The following PDGFD variants were observed in gnomAD, a reference collection of about 807,000 sequenced individuals.
PDGFD encodes the protein platelet-derived growth factor D.
In PDGFD, 30 loss-of-function variants were observed where a neutral mutation model predicts 44.7. The ratio of observed to expected loss-of-function variants is 0.67; its 90% CI spans 0.50 to 0.91. The LOEUF is 0.91. Ranked by LOEUF, PDGFD falls within the 40% of genes least tolerant of loss-of-function variation. PDGFD has a pLI of 0.00. For missense variants in PDGFD, 445 were observed against 457.8 expected, an observed-to-expected ratio of 0.97 and a Z score of 0.25; for synonymous variants, 173 against 168.4, an observed-to-expected ratio of 1.03 and a Z score of -0.21.
intron 3 of PDGFD, among the ~76,000 whole-genome samples, chr11:103,986,058 G>A (rs1033611484): frequency 5.9e-5 from 9 of 152,130 alleles, no homozygotes; most frequent in South Asian, 2.1e-4. Context: ...CTTTGAATCC[G>A]TAGCTCAATT....
intron 1 of PDGFD, among the ~76,000 whole-genome samples, chr11:104,035,070 G>A (rs1382725943): frequency 5.9e-5 from 9 of 152,154 alleles, no homozygotes; most frequent in Non-Finnish European, 1.0e-4. Context: ...GGGGGTGGGG[G>A]AGAGTAGGGA....
At position 104,111,837 on chromosome 11, in the gene PDGFD, G is replaced by A. The variant is rs117216256; in HGVS notation, c.124+51967C>T. 3.8e-3 allele frequency among the ~76,000 whole-genome samples: 581 copies of A among 152,146 alleles called. 3 individuals carry two copies. Among genetic ancestry groups the A allele is most frequent in the Non-Finnish European group, 6.2e-3 (422 of 67,994 alleles). On this transcript the variant is annotated intron_variant, in intron 1 of 6. Coordinates refer to ENST00000393158, the MANE Select transcript of PDGFD (RefSeq NM_025208.5). ...AAAATTAAGCACGGTTATAAGTCAC[G>A]GTAAAACAGGTCAGATATTTAAACA...
At chr11:104,086,094 G>A (rs751191459) in intron 1 of PDGFD, among the ~76,000 whole-genome samples, 2 of 152,114 alleles carry the variant, frequency 1.3e-5, no homozygotes, top group African/African-American at 2.4e-5. Flanking sequence ...AATATCTAAG[G>A]TGGCTAGTGA....
At chr11:104,089,543 T>C (rs1861180761) in intron 1 of PDGFD, among the ~76,000 whole-genome samples, 1 of 152,208 alleles carries the variant, frequency 6.6e-6, no homozygotes, top group Non-Finnish European at 1.5e-5. Context: ...TAGCATATAG[T>C]ACTTTAACTG....
At chr11:103,919,176 T>C (rs981939076) in intron 6 of PDGFD, among the ~76,000 whole-genome samples, 7 of 152,234 alleles carry the variant, frequency 4.6e-5, no homozygotes, top group Admixed American at 2.0e-4. Context: ...ACTGAGCCAA[T>C]TGGTGGGTTT....
intron 1 of PDGFD, among the ~76,000 whole-genome samples, chr11:104,018,426 T>G (rs2134380107): frequency 6.6e-6 from 1 of 152,334 alleles, no homozygotes; most frequent in African/African-American, 2.4e-5. Flanking sequence ...TTATGTCTTC[T>G]GTCTCCCTGG....
At chr11:104,020,259 C>A (rs934910795) in intron 1 of PDGFD, among the ~76,000 whole-genome samples, 1 of 152,036 alleles carries the variant, frequency 6.6e-6, no homozygotes, top group Non-Finnish European at 1.5e-5. Flanking sequence ...TTAGGCCCTG[C>A]AGCTATTTCA....
intron 1 of PDGFD, among the ~76,000 whole-genome samples, chr11:104,091,427 A>G (rs951673249): frequency 1.3e-5 from 2 of 152,166 alleles, no homozygotes; most frequent in African/African-American, 4.8e-5. Context: ...CATTAACCAG[A>G]TAGAGCTACT....
At chr11:104,126,723 G>C (rs1006244094) in intron 1 of PDGFD, among the ~76,000 whole-genome samples, 2 of 152,116 alleles carry the variant, frequency 1.3e-5, no homozygotes, top group African/African-American at 4.8e-5. Flanking sequence ...TCTGCTAGCA[G>C]AGGTTGAGAG....
At chr11:104,144,539 C>T (rs1012708609) in intron 1 of PDGFD, among the ~76,000 whole-genome samples, 14 of 115,228 alleles carry the variant, frequency 1.2e-4, no homozygotes, top group Non-Finnish European at 1.8e-4. Flanking sequence ...CCCAACAAAA[C>T]AAAACAAACA....
chr11:104,154,072 T>C (rs1230828122), intron 1 of PDGFD, among the ~76,000 whole-genome samples: 1 of 152,190 alleles, frequency 6.6e-6, no homozygotes, highest in Non-Finnish European at 1.5e-5. Flanking sequence ...TAAATACCCC[T>C]TTATTTTAAA....
chr11:104,047,861 T>C (rs375738445), intron 1 of PDGFD, among the ~76,000 whole-genome samples: 13 of 152,026 alleles, frequency 8.6e-5, no homozygotes, highest in East Asian at 1.9e-4. Flanking sequence ...CGAGCCACCA[T>C]GGAGAATGGG....
chr11:104,133,220 G>A (rs1483468756), intron 1 of PDGFD, among the ~76,000 whole-genome samples: 1 of 152,028 alleles, frequency 6.6e-6, no homozygotes. Flanking sequence ...CCAATAAAAT[G>A]GCATGCAACA....
rs774835575 is a variant in PDGFD at position 104,059,288 on chromosome 11, G to A, written c.125-59033C>T. Reference sequence around the variant, plus strand: ...TGACATTCCTAAGCAAATATAAATCGTAAACATTCCTAAATAAATACAATC... The same window carrying A: ...TGACATTCCTAAGCAAATATAAATCATAAACATTCCTAAATAAATACAATC... On this transcript the variant is annotated intron_variant, in intron 1 of 6. Coordinates refer to ENST00000393158, the MANE Select transcript of PDGFD (RefSeq NM_025208.5). Among the ~76,000 whole-genome samples the A allele has an allele frequency of 1.1e-4, 16 of 152,002 alleles. 1 individual carries two copies. The highest frequency in any genetic ancestry group is 6.4e-3 in the Middle Eastern group (2 of 314).
intron 1 of PDGFD, among the ~76,000 whole-genome samples, chr11:104,058,147 T>C (rs921063351): frequency 2.0e-5 from 3 of 152,124 alleles, no homozygotes; most frequent in African/African-American, 4.8e-5. Flanking sequence ...AGAAAACAAA[T>C]TGATAAACTG....
intron 1 of PDGFD, among the ~76,000 whole-genome samples, chr11:104,118,750 A>G (rs1591173020): frequency 2.6e-5 from 3 of 113,632 alleles, no homozygotes; most frequent in South Asian, 2.5e-4. Flanking sequence ...ATATTATTAT[A>G]TAGTATATAT....
chr11:103,925,548 A>G (rs556181883), intron 6 of PDGFD, among the ~76,000 whole-genome samples: 1 of 151,702 alleles, frequency 6.6e-6, no homozygotes, highest in East Asian at 1.9e-4. Context: ...GTGAAAACTG[A>G]GTCAAAACTT....
At chr11:104,133,235 C>G (rs1861949673) in intron 1 of PDGFD, among the ~76,000 whole-genome samples, 1 of 152,130 alleles carries the variant, frequency 6.6e-6, no homozygotes, top group Non-Finnish European at 1.5e-5. Flanking sequence ...GCAACAATGT[C>G]ATCTTTCCTA....
chr11:104,031,683 T>C (rs1196034712), intron 1 of PDGFD, among the ~76,000 whole-genome samples: 1 of 152,156 alleles, frequency 6.6e-6, no homozygotes, highest in Non-Finnish European at 1.5e-5. Context: ...ATTATAAAGA[T>C]ATATGCACAT....
Sources: gnomAD v4.1 joint callset for allele counts (sites outside exome capture counted in the v4.1 genomes callset) on GRCh38, gnomAD v4.1.1 for gene constraint, MANE v1.5 for transcripts, NCBI Gene and HGNC (gene_info 2026-07-23, HGNC 2026-07-21) for gene names.